RBKS: variants seen among roughly 807,000 people sequenced by gnomAD.
RBKS encodes the protein ribokinase.
A neutral mutation model predicts 33.9 loss-of-function variants in RBKS; 33 were observed. The ratio of observed to expected loss-of-function variants is 0.97; its 90% CI spans 0.74 to 1.30. The LOEUF (loss-of-function observed/expected upper bound fraction) is 1.30, where lower values mean the gene tolerates loss of function less well. RBKS is among the 50% of genes most tolerant of loss of function. The pLI, the probability that RBKS is intolerant of heterozygous loss-of-function variation, is 0.00. For synonymous variants in RBKS, 125 were observed against 143.0 expected (o/e 0.87, Z 0.90); for missense variants, 361 against 392.6 (o/e 0.92, Z 0.68).
Position 27,847,118 on chromosome 2 carries a change from G to T in RBKS, c.287-14C>A. 6.7e-7 allele frequency: 1 copy of T among 1,500,300 alleles called. No homozygotes were observed. Among genetic ancestry groups the T allele is most frequent in the South Asian group, 1.1e-5 (1 of 88,362 alleles). 92.9% of individuals were successfully genotyped at this position (1,500,300 alleles called of 1,614,324 possible). On this transcript the variant is annotated splice_polypyrimidine_tract_variant and intron_variant, in intron 3 of 7. Coordinates refer to ENST00000302188, the MANE Select transcript of RBKS (RefSeq NM_022128.3). ...GATATGTAAATTCTGAAAGAAAAAA[G>T]AAAATTACAATCACATGTATACAGG... is the stretch of plus-strand genomic sequence containing the variant.
At chr2:27,813,366 T>C (rs142861803) in intron 7 of RBKS, among the ~76,000 whole-genome samples, 10 of 152,260 alleles carry the variant, frequency 6.6e-5, no homozygotes, top group African/African-American at 2.2e-4. Context: ...ATGTTTAAAA[T>C]GATTAAAGAC....
intron 4 of RBKS, among the ~76,000 whole-genome samples, chr2:27,844,836 T>C (rs138056290): frequency 6.6e-6 from 1 of 152,318 alleles, no homozygotes; most frequent in East Asian, 1.9e-4. Context: ...CACACGAGGC[T>C]TGCATTTTAT....
At position 27,803,966 on chromosome 2, in the gene RBKS, C is replaced by T. The variant is rs1300272147; in HGVS notation, c.796-22178G>A. ...CTTGGGAGGCTGAGGCACTTGAACC[C>T]GGGAGGTGGAGGTTGTTGTAAGCTG... On this transcript the variant is annotated intron_variant, in intron 7 of 7. Transcript: ENST00000302188. Among the ~76,000 whole-genome samples the T allele has an allele frequency of 8.5e-5, 13 of 152,076 alleles. No homozygotes were observed. The East Asian group carries it at 1.5e-3, about 18-fold the overall frequency.
intron 7 of RBKS, among the ~76,000 whole-genome samples, chr2:27,791,637 C>CACACAT (rs1553374291): frequency 1.4e-5 from 2 of 147,752 alleles, no homozygotes; most frequent in African/African-American, 5.1e-5. Context: ...CACACACACA[C>CACACAT]ACACACTAAA....
intron 6 of RBKS, among the ~76,000 whole-genome samples, chr2:27,830,135 G>C (rs1678392533): frequency 6.6e-6 from 1 of 152,156 alleles, no homozygotes; most frequent in Non-Finnish European, 1.5e-5. Context: ...TCTTGTTTTA[G>C]AGCTTGTAAG....
At chr2:27,830,359 T>G (rs961435922) in intron 6 of RBKS, among the ~76,000 whole-genome samples, 6 of 151,862 alleles carry the variant, frequency 4.0e-5, no homozygotes, top group Admixed American at 6.6e-5. Context: ...TCCCAGGTCC[T>G]GGTTCAAGCA....
At chr2:27,815,327 C>T (rs1290174157) in intron 7 of RBKS, among the ~76,000 whole-genome samples, 1 of 152,112 alleles carries the variant, frequency 6.6e-6, no homozygotes, top group Admixed American at 6.5e-5. Flanking sequence ...CTTGCCTCAG[C>T]CTCCGAAGTA....
rs778821130 is a variant in RBKS at position 27,890,223 on chromosome 2, G to A, written c.89+34C>T. Reference sequence around the variant, plus strand: ...TAGCGCACGGCACGCCTCCTCCCCCGAGCCGCAGACTGAGTAACTGGCCCC... The same window carrying A: ...TAGCGCACGGCACGCCTCCTCCCCCAAGCCGCAGACTGAGTAACTGGCCCC... On this transcript the variant is annotated intron_variant, in intron 1 of 7. Transcript: ENST00000302188. The surrounding 1 kb of genome is among the most constrained non-coding windows in gnomAD (Gnocchi z 4.8). 6 of 1,602,296 alleles carry A rather than the reference G, an allele frequency of 3.7e-6. No homozygotes were observed. Among genetic ancestry groups the A allele is most frequent in the South Asian group, 1.1e-5 (1 of 90,694 alleles).
At chr2:27,849,559 CAAAAAAAAAAAAA>C (rs70953894) in intron 2 of RBKS, among the ~76,000 whole-genome samples, 1 of 28,598 alleles carries the variant, frequency 3.5e-5, no homozygotes, top group African/African-American at 1.0e-4. Context: ...GACTCTGTCT[CAAAAAAAAAAAAA>C]AAAAAAAAAA....
chr2:27,784,610 GA>G (rs1677364580), intron 7 of RBKS, among the ~76,000 whole-genome samples: 1 of 152,198 alleles, frequency 6.6e-6, no homozygotes, highest in Admixed American at 6.5e-5. Flanking sequence ...TTTATAAAGA[GA>G]AGGCAGACCT....
At position 27,857,977 on chromosome 2, in the gene RBKS, T is replaced by C. The variant is rs78811807; in HGVS notation, c.222+462A>G. Among the ~76,000 whole-genome samples, 566 of 152,246 alleles carry C rather than the reference T, an allele frequency of 3.7e-3. 5 individuals carry two copies. The highest frequency in any genetic ancestry group is 0.013 in the African/African-American group (543 of 41,532). The stretch of plus-strand genomic sequence containing the variant: ...GCCCAAGTGTCCATCAATCCATTCA[T>C]TGATGAATAAAAAAATTGTGGTATA... On this transcript the variant is annotated intron_variant, in intron 2 of 7. Coordinates refer to ENST00000302188, the MANE Select transcript of RBKS (RefSeq NM_022128.3).
intron 1 of RBKS, among the ~76,000 whole-genome samples, chr2:27,871,089 C>T (rs886121754): frequency 6.6e-6 from 1 of 152,128 alleles, no homozygotes; most frequent in Non-Finnish European, 1.5e-5. Context: ...TGCAAGATCT[C>T]CTAAAAGTTC....
intron 7 of RBKS, among the ~76,000 whole-genome samples, chr2:27,789,574 A>T (rs1677468635): frequency 6.7e-6 from 1 of 149,994 alleles, no homozygotes; most frequent in Admixed American, 6.6e-5. Flanking sequence ...TTTTTAAAAA[A>T]TTTTTTTTGA....
At chr2:27,788,909 T>C (rs778148000) in intron 7 of RBKS, among the ~76,000 whole-genome samples, 4 of 152,182 alleles carry the variant, frequency 2.6e-5, no homozygotes, top group Non-Finnish European at 5.9e-5. Context: ...ATTCTTAAGA[T>C]ATAAATTCTC....
rs1401643449 is a variant in RBKS at position 27,890,030 on chromosome 2, C to T, written c.89+227G>A. 1.0e-5 allele frequency: 5 copies of T among 482,812 alleles called. No homozygotes were observed. Among genetic ancestry groups the T allele is most frequent in the African/African-American group, 3.9e-5 (2 of 50,658 alleles). 29.9% of individuals were successfully genotyped at this position (482,812 alleles called of 1,614,324 possible). ...GCGCTTTGAGTAATATTAGAGCTTT[C>T]ACTAAACCCTGGCCTATTACGTCCC... On this transcript the variant is annotated intron_variant, in intron 1 of 7. Transcript: ENST00000302188. This position sits in a 1 kb window ranked among gnomAD's most constrained non-coding sequence, Gnocchi z 4.8.
At chr2:27,861,480 A>C (rs1008112584) in intron 1 of RBKS, 2 of 471,058 alleles carry the variant, frequency 4.2e-6, no homozygotes, top group Admixed American at 2.3e-5. Flanking sequence ...CTGTAACTAG[A>C]AGTCATATAT....
intron 7 of RBKS, among the ~76,000 whole-genome samples, chr2:27,796,963 G>A (rs574942053): frequency 4.3e-4 from 65 of 152,288 alleles, no homozygotes; most frequent in African/African-American, 1.4e-3. Context: ...CTATGGCCAT[G>A]GGTTAGTTCC....
At chr2:27,783,105 C>T (rs767693889) in intron 7 of RBKS, among the ~76,000 whole-genome samples, 3 of 152,196 alleles carry the variant, frequency 2.0e-5, no homozygotes, top group Non-Finnish European at 2.9e-5. Flanking sequence ...GTCCCTTTGA[C>T]ATACGCCCAT....
intron 1 of RBKS, among the ~76,000 whole-genome samples, chr2:27,862,209 C>T (rs1386458075): frequency 6.6e-6 from 1 of 151,986 alleles, no homozygotes; most frequent in Admixed American, 6.6e-5. Context: ...CTCGGCCTCC[C>T]AAAGTGTAGG....
Sources: gnomAD v4.1 joint callset for allele counts (sites outside exome capture counted in the v4.1 genomes callset) on GRCh38, gnomAD v4.1.1 for gene constraint, Gnocchi (gnomAD v3.1) non-coding constraint, MANE v1.5 for transcripts, NCBI Gene and HGNC (gene_info 2026-07-23, HGNC 2026-07-21) for gene names.